The following RBMX2 variants were observed in gnomAD, a reference collection of about 807,000 sequenced individuals.
RBMX2 encodes the protein RNA binding motif protein X-linked 2.
For synonymous variants in RBMX2, 77 were observed against 94.3 expected (o/e 0.82, Z 1.07); for missense variants, 191 against 256.0 (o/e 0.75, Z 1.73).
intron 3 of RBMX2, among the ~76,000 whole-genome samples, chrX:130,407,056 TATC>T (rs1314913412): frequency 9.0e-6 from 1 of 111,509 alleles, no homozygotes; most frequent in Non-Finnish European, 1.9e-5. Context: ...ATGTTATACT[TATC>T]ATTATTCTTT....
chrX:130,406,172 A>C (rs1328849179), intron 3 of RBMX2, among the ~76,000 whole-genome samples: 1 of 108,711 alleles, frequency 9.2e-6, no homozygotes, highest in Admixed American at 9.9e-5. Context: ...CCTTTATTTC[A>C]TCATCAGTGA....
In RBMX2 at chrX:130,412,670, C is replaced by T. The variant is rs746194620; in HGVS notation, c.791C>T (p.Thr264Ile). The change falls in exon 6 of 6, where the codon ACC (threonine) becomes ATC (isoleucine). Residue 264 changes from threonine (T) to isoleucine (I), a missense_variant. Thr to Ile is a moderately conservative substitution (Grantham distance 89, BLOSUM62 -1). Coordinates refer to ENST00000305536, the MANE Select transcript of RBMX2 (RefSeq NM_016024.4). ...SSRREAREEK[T>I]RIRDRGRSSD... is the part of the protein sequence containing the mutation. ...AGGAGGGAGGCAAGAGAAGAAAAGA[C>T]CAGGATTAGGGACAGAGGGCGGAGC... The T allele has an allele frequency of 4.1e-6, 5 of 1,210,232 alleles. No individual in the cohort carries two copies. The highest frequency in any genetic ancestry group is 4.5e-6 in the Non-Finnish European group (4 of 895,162).
intron 5 of RBMX2, among the ~76,000 whole-genome samples, chrX:130,411,946 T>C (rs1278193192): frequency 1.8e-5 from 2 of 111,463 alleles, no homozygotes; most frequent in Non-Finnish European, 3.8e-5. Context: ...CTTCCTAGCA[T>C]GTGAAAGTTT....
At chrX:130,403,646 T>C (rs2034468656) in intron 2 of RBMX2, among the ~76,000 whole-genome samples, 156 bp from the exon 3 acceptor site, 1 of 112,378 alleles carries the variant, frequency 8.9e-6, no homozygotes, top group South Asian at 3.7e-4. Context: ...GTGTTGGGAT[T>C]ACAGGCGTGA....
Position 130,412,725 on chromosome X carries a change from G to A in RBMX2, c.846G>A (p.Gly282=), listed in dbSNP as rs1395656921. Residue 282 remains glycine, a synonymous_variant, in exon 6 of 6, where the codon GGG becomes GGA. Coordinates refer to ENST00000305536, the MANE Select transcript of RBMX2 (RefSeq NM_016024.4). The stretch of plus-strand genomic sequence containing the variant: ...ATGCACATTCTAGCTGGTATAATGG[G>A]CGTTCTGAAGGGCGTAGTTATAGAA... ...SSDAHSSWYN[G]RSEGRSYRSR... 9 of 1,208,530 alleles carry A rather than the reference G, an allele frequency of 7.4e-6. No individual in the cohort carries two copies. The highest frequency in any genetic ancestry group is 1.0e-5 in the Non-Finnish European group (9 of 894,872).
intron 2 of RBMX2, 140 bp from the exon 3 acceptor site, chrX:130,403,662 G>A (rs996944290): frequency 3.2e-5 from 18 of 554,785 alleles, no homozygotes; most frequent in African/African-American, 2.0e-4. Context: ...CGTGAGCCAC[G>A]GTGCCCAGCC....
intron 3 of RBMX2, among the ~76,000 whole-genome samples, chrX:130,405,872 T>G (rs1397313018): frequency 2.9e-5 from 1 of 34,541 alleles, no homozygotes; most frequent in Non-Finnish European, 4.1e-5. Context: ...TTTTTTTTTT[T>G]GAGACGGAGT....
rs200680092 is a variant in RBMX2 at position 130,412,841 on chromosome X, G to A, written c.962G>A (p.Arg321His). 52 of 1,203,628 alleles carry A rather than the reference G, an allele frequency of 4.3e-5. No homozygotes were observed. Among genetic ancestry groups the A allele is most frequent in the Non-Finnish European group, 5.0e-5 (45 of 893,132 alleles). ...TCTTCGAATCCCAGTGACCGTTGGCGTCACTGAAGACTTCAGCTGCACAGT... is the reference window on the plus strand; with the variant it reads ...TCTTCGAATCCCAGTGACCGTTGGCATCACTGAAGACTTCAGCTGCACAGT... ...RESSNPSDRW[R>H]H The change falls in exon 6 of 6, where the codon CGT becomes CAT. Residue 321 changes from arginine (R) to histidine (H), a missense_variant. Arg to His is a conservative substitution (Grantham distance 29). Transcript: ENST00000305536.
Position 130,403,872 on chromosome X carries a change from C to T in RBMX2, c.173+19C>T, listed in dbSNP as rs1435450884. On this transcript the variant is annotated intron_variant, in intron 3 of 5. Transcript: ENST00000305536. ...TCTCACAGTAAGTGTCCTTTCATTT[C>T]CTGCCTCCTGAGTCGACAGAGTACT... 2 of 1,198,532 alleles carry T rather than the reference C, an allele frequency of 1.7e-6. No individual in the cohort carries two copies.
intron 5 of RBMX2, 33 bp downstream of exon 5, chrX:130,411,558 G>A (rs1213775413): frequency 8.0e-6 from 9 of 1,120,971 alleles, no homozygotes; most frequent in Non-Finnish European, 1.1e-5. Context: ...AAGATTCTGG[G>A]TGGTCTTAAT....
rs1569460228 is a variant in RBMX2, at chrX:130,409,263, G to A, written c.180G>A (p.Gly60=). Residue 60 remains glycine, a synonymous_variant, in exon 4 of 6, where the codon GGG becomes GGA. Coordinates refer to ENST00000305536, the MANE Select transcript of RBMX2 (RefSeq NM_016024.4). Reference sequence around the variant, plus strand: ...TCTTTTATAAAATAAATAGATATGGGGAGATTGTTAACATTAATCTCGTGC... The same window carrying A: ...TCTTTTATAAAATAAATAGATATGGAGAGATTGTTAACATTAATCTCGTGC... ...GDIICVFSQY[G]EIVNINLVRD... 1 of 1,203,120 alleles carries A rather than the reference G, an allele frequency of 8.3e-7. No individual in the cohort carries two copies. Among genetic ancestry groups the A allele is most frequent in the South Asian group, 1.8e-5 (1 of 55,712 alleles).
intron 3 of RBMX2, among the ~76,000 whole-genome samples, chrX:130,407,949 C>T (rs1035910523): frequency 2.7e-5 from 3 of 111,365 alleles, no homozygotes; most frequent in Admixed American, 1.9e-4. Flanking sequence ...CGTGAGCCAC[C>T]GTGCCTGATC....
chrX:130,406,639 C>T (rs2034486852), intron 3 of RBMX2, among the ~76,000 whole-genome samples: 1 of 102,029 alleles, frequency 9.8e-6, no homozygotes. Context: ...TACCATTGCA[C>T]TCCAGCCTGG....
At position 130,412,699 on chromosome X, in the gene RBMX2, G is replaced by C; in HGVS notation, c.820G>C (p.Asp274His). The stretch of plus-strand genomic sequence containing the variant: ...GATTAGGGACAGAGGGCGGAGCTCA[G>C]ATGCACATTCTAGCTGGTATAATGG... ...TRIRDRGRSS[D>H]AHSSWYNGRS... is the part of the protein sequence containing the mutation. Residue 274 changes from aspartate (D) to histidine (H), a missense_variant, in exon 6 of 6, where the codon GAT becomes CAT. Asp to His is a moderately conservative substitution (Grantham distance 81). Coordinates refer to ENST00000305536, the MANE Select transcript of RBMX2 (RefSeq NM_016024.4). 1 of 1,211,045 alleles carries C rather than the reference G, an allele frequency of 8.3e-7. No individual in the cohort carries two copies. Among genetic ancestry groups the C allele is most frequent in the Non-Finnish European group, 1.1e-6 (1 of 895,405 alleles).
chrX:130,412,882 T>C lies in RBMX2; in HGVS notation c.*34T>C, dbSNP rs1569460721. 1 of 1,151,424 alleles carries C rather than the reference T, an allele frequency of 8.7e-7. No homozygotes were observed. Among genetic ancestry groups the C allele is most frequent in the Non-Finnish European group, 1.2e-6 (1 of 863,951 alleles). 94.9% of individuals were successfully genotyped at this position (1,151,424 alleles called of 1,213,427 possible). ...GCTGCACAGTAGATTTGGAAATAAT[T>C]ATGTTTTTTAAATGCAGTCAAATTC... On this transcript the variant is annotated 3_prime_UTR_variant, in exon 6 of 6. Transcript: ENST00000305536.
chrX:130,411,456 G>C lies in RBMX2; in HGVS notation c.412G>C (p.Ala138Pro), dbSNP rs376513857. 2.5e-6 allele frequency: 3 copies of C among 1,207,554 alleles called. No homozygotes were observed. The highest frequency in any genetic ancestry group is 1.8e-5 in the South Asian group (1 of 55,746). Residue 138 changes from alanine (A) to proline (P), a missense_variant, in exon 5 of 6, where the codon GCT becomes CCT. Physicochemically the swap from Ala to Pro is conservative, Grantham distance 27 (BLOSUM62 -1). Transcript: ENST00000305536. ...TRQLQEKGCG[A>P]RTPSPSLSES... ...ACAACTCCAGGAGAAGGGCTGTGGGGCTCGTACCCCCTCACCAAGTTTGTC... is the reference window on the plus strand; with the variant it reads ...ACAACTCCAGGAGAAGGGCTGTGGGCCTCGTACCCCCTCACCAAGTTTGTC...
Position 130,401,998 on chromosome X carries a change from G to A in RBMX2, c.-35G>A. On this transcript the variant is annotated 5_prime_UTR_variant, in exon 1 of 6. Coordinates refer to ENST00000305536, the MANE Select transcript of RBMX2 (RefSeq NM_016024.4). ...ATGCGCTGCGCTGCCTTTCCCGGGCGCTGATTCCTGAGTGCTGAGCGCGAA... is the reference window on the plus strand; with the variant it reads ...ATGCGCTGCGCTGCCTTTCCCGGGCACTGATTCCTGAGTGCTGAGCGCGAA... 2.5e-6 allele frequency: 3 copies of A among 1,183,889 alleles called. No individual in the cohort carries two copies. The highest frequency in any genetic ancestry group is 3.4e-6 in the Non-Finnish European group (3 of 879,481).
intron 3 of RBMX2, among the ~76,000 whole-genome samples, chrX:130,405,360 T>C (rs5977263): frequency 0.25 from 26,524 of 106,542 alleles, 4,445 homozygotes; most frequent in African/African-American, 0.6. Context: ...GCCTGGGGGA[T>C]AGAGCAAGAC....
Position 130,408,764 on chromosome X carries a change from T to G in RBMX2, c.174-493T>G, listed in dbSNP as rs748185811. On this transcript the variant is annotated intron_variant, in intron 3 of 5. Transcript: ENST00000305536. ...ATCTATGTATCTAATAGTCCTACAT[T>G]AATATTTGTTATTATAACAGAGTAA... Among the ~76,000 whole-genome samples, 6 of 112,198 alleles carry G rather than the reference T, an allele frequency of 5.3e-5. No individual in the cohort carries two copies. The East Asian group carries it at 1.4e-3, about 26-fold the overall frequency.
Sources: gnomAD v4.1 joint callset for allele counts (sites outside exome capture counted in the v4.1 genomes callset) on GRCh38, gnomAD v4.1.1 for gene constraint, MANE v1.5 for transcripts, NCBI Gene and HGNC (gene_info 2026-07-23, HGNC 2026-07-21) for gene names.